Variants in FHIT observed in about 807,000 individuals in gnomAD.
FHIT encodes bis(5'-adenosyl)-triphosphatase.
Under a neutral mutation model 17.9 loss-of-function variants are expected in FHIT, and 19 were observed. The observed-to-expected ratio is 1.06, with a 90% CI of 0.74 to 1.56. The LOEUF (loss-of-function observed/expected upper bound fraction) is 1.56. Ranked by LOEUF, FHIT falls within the 40% of genes most tolerant of loss-of-function variation. The pLI is 0.00. For missense variants in FHIT, 248 were observed against 189.2 expected (o/e 1.31, Z -1.82); for synonymous variants, 81 against 69.7 (o/e 1.16, Z -0.81).
At chr3:59,949,013 T>A (rs766611736) in intron 7 of FHIT, among the ~76,000 whole-genome samples, 10 of 152,156 alleles carry the variant, frequency 6.6e-5, no homozygotes, top group Non-Finnish European at 1.5e-4. Flanking sequence ...TAGGACCCAA[T>A]AGTTGGTTTT....
At position 60,192,369 on chromosome 3, in the gene FHIT, A is replaced by G. The variant is rs895649732; in HGVS notation, c.104-178217T>C. ...AGGAGACAAATGCAGATGTAGGTTT[A>G]GGACTCAGCATGAATGCTGTGGCTG... is the stretch of plus-strand genomic sequence containing the variant. On this transcript the variant is annotated intron_variant, in intron 5 of 9. Coordinates refer to ENST00000492590, the MANE Select transcript of FHIT (RefSeq NM_002012.4). 1.3e-4 allele frequency among the ~76,000 whole-genome samples: 20 copies of G among 152,046 alleles called. 1 individual carries two copies. Among genetic ancestry groups the G allele is most frequent in the Non-Finnish European group, 2.9e-4 (20 of 68,006 alleles).
chr3:60,292,008 C>G (rs1481438349), intron 5 of FHIT, among the ~76,000 whole-genome samples: 1 of 152,044 alleles, frequency 6.6e-6, no homozygotes, highest in Non-Finnish European at 1.5e-5. Context: ...TTTAAGCCAC[C>G]AAGTTTGTGA....
intron 5 of FHIT, among the ~76,000 whole-genome samples, chr3:60,066,255 T>G (rs1402175656): frequency 6.6e-6 from 1 of 152,168 alleles, no homozygotes; most frequent in Non-Finnish European, 1.5e-5. Context: ...GTTTTGAAGT[T>G]CATTTCTCAC....
At chr3:61,168,416 C>T (rs932300735) in intron 2 of FHIT, among the ~76,000 whole-genome samples, 3 of 152,156 alleles carry the variant, frequency 2.0e-5, no homozygotes, top group Non-Finnish European at 2.9e-5. Flanking sequence ...CAAAAAATGG[C>T]TATAAAATGC....
At chr3:60,919,152 T>A (rs1707153237) in intron 3 of FHIT, among the ~76,000 whole-genome samples, 1 of 152,180 alleles carries the variant, frequency 6.6e-6, no homozygotes, top group African/African-American at 2.4e-5. Context: ...GGGCCTCATG[T>A]CAGGCTAAGG....
intron 8 of FHIT, among the ~76,000 whole-genome samples, chr3:59,829,567 C>T (rs1010733471): frequency 6.6e-6 from 1 of 152,194 alleles, no homozygotes; most frequent in African/African-American, 2.4e-5. Context: ...TGCAGAGGAA[C>T]TGGATTCGGT....
At chr3:60,889,085 G>C (rs1250421496) in intron 3 of FHIT, among the ~76,000 whole-genome samples, 2 of 151,844 alleles carry the variant, frequency 1.3e-5, no homozygotes, top group Admixed American at 1.3e-4. Flanking sequence ...AACTCATTCC[G>C]ATCACCTACT....
chr3:61,168,543 G>T (rs1419450591), intron 2 of FHIT, among the ~76,000 whole-genome samples: 1 of 152,190 alleles, frequency 6.6e-6, no homozygotes, highest in Non-Finnish European at 1.5e-5. Flanking sequence ...TCAACCTTGT[G>T]ACAGGGATTT....
chr3:61,116,417 G>A (rs778776066), intron 2 of FHIT, among the ~76,000 whole-genome samples: 16 of 152,036 alleles, frequency 1.1e-4, no homozygotes, highest in Non-Finnish European at 2.9e-5. Flanking sequence ...TTTGCATGCA[G>A]GGTTGAACTC....
chr3:60,933,750 C>T (rs1255788831), intron 3 of FHIT, among the ~76,000 whole-genome samples: 1 of 152,198 alleles, frequency 6.6e-6, no homozygotes, highest in Non-Finnish European at 1.5e-5. Context: ...ATGTCCTTTG[C>T]AATTCACAGA....
intron 5 of FHIT, among the ~76,000 whole-genome samples, chr3:60,142,436 T>C (rs1700076640): frequency 6.6e-6 from 1 of 152,184 alleles, no homozygotes; most frequent in African/African-American, 2.4e-5. Flanking sequence ...TTGCTTAAAA[T>C]TTTATTTATA....
At chr3:60,029,094 T>TTACAGTGTCTAAAATTTAAATTAG (rs1700872334) in intron 5 of FHIT, among the ~76,000 whole-genome samples, 1 of 152,228 alleles carries the variant, frequency 6.6e-6, no homozygotes, top group Non-Finnish European at 1.5e-5. Flanking sequence ...ATGTTTTAAA[T>TTACAGTGTCTAAAATTTAAATTAG]TACAGTGTAC....
At chr3:60,546,266 G>A (rs960132449) in intron 4 of FHIT, among the ~76,000 whole-genome samples, 6 of 151,702 alleles carry the variant, frequency 4.0e-5, no homozygotes, top group Non-Finnish European at 7.4e-5. Context: ...ACCTTCCACG[G>A]GTTAAGTCTG....
At chr3:60,557,505 G>A (rs1392116759) in intron 4 of FHIT, among the ~76,000 whole-genome samples, 1 of 151,866 alleles carries the variant, frequency 6.6e-6, no homozygotes, top group Non-Finnish European at 1.5e-5. Context: ...TAGGTATAAA[G>A]AGATTACTCA....
chr3:60,982,882 A>G (rs755941925), intron 3 of FHIT, among the ~76,000 whole-genome samples: 17 of 152,166 alleles, frequency 1.1e-4, no homozygotes, highest in Non-Finnish European at 2.2e-4. Flanking sequence ...GAGGAAGTGG[A>G]TGAATCTTAC....
At chr3:60,284,414 A>G (rs1707617476) in intron 5 of FHIT, among the ~76,000 whole-genome samples, 1 of 152,140 alleles carries the variant, frequency 6.6e-6, no homozygotes, top group South Asian at 2.1e-4. Context: ...TTATTAACAG[A>G]TAAGGTCTAA....
At chr3:60,154,129 C>T (rs958957072) in intron 5 of FHIT, among the ~76,000 whole-genome samples, 1 of 152,208 alleles carries the variant, frequency 6.6e-6, no homozygotes, top group African/African-American at 2.4e-5. Context: ...CCACTTAGGC[C>T]TAGTGTTCCA....
chr3:60,162,743 C>T (rs1190442231), intron 5 of FHIT, among the ~76,000 whole-genome samples: 1 of 152,164 alleles, frequency 6.6e-6, no homozygotes, highest in Non-Finnish European at 1.5e-5. Flanking sequence ...TCAGAGCCAA[C>T]ATTTTTTAGT....
chr3:60,990,629 G>A (rs1278420781), intron 3 of FHIT, among the ~76,000 whole-genome samples: 1 of 152,180 alleles, frequency 6.6e-6, no homozygotes, highest in Non-Finnish European at 1.5e-5. Flanking sequence ...ACAACAAGAA[G>A]AGAACCACTT....
Sources: gnomAD v4.1 joint callset for allele counts (sites outside exome capture counted in the v4.1 genomes callset) on GRCh38, gnomAD v4.1.1 for gene constraint, MANE v1.5 for transcripts, NCBI Gene and HGNC (gene_info 2026-07-23, HGNC 2026-07-21) for gene names.